Variants in CTNND2 observed in about 807,000 individuals in gnomAD.
The protein encoded by CTNND2 is catenin delta-2.
CTNND2 carries 22 observed loss-of-function variants against 144.4 expected under a neutral mutation model. The ratio of observed to expected loss-of-function variants is 0.15; its 90% CI spans 0.11 to 0.22. CTNND2 has a LOEUF of 0.22. Among genes scored for constraint, CTNND2 ranks in the 10% least tolerant of loss-of-function variants. CTNND2 has a pLI of 1.00. For synonymous variants in CTNND2, 751 were observed against 695.6 expected (o/e 1.08, Z -1.25); for missense variants, 1,353 against 1,618.8 (o/e 0.84, Z 2.82).
At chr5:11,862,088 G>T (rs892137229) in intron 1 of CTNND2, among the ~76,000 whole-genome samples, 4 of 152,114 alleles carry the variant, frequency 2.6e-5, no homozygotes, top group African/African-American at 9.7e-5. Context: ...CTCAAATTGG[G>T]TGAAATGGAA....
At chr5:11,514,827 T>A (rs1581385581) in intron 3 of CTNND2, among the ~76,000 whole-genome samples, 1 of 152,178 alleles carries the variant, frequency 6.6e-6, no homozygotes, top group Non-Finnish European at 1.5e-5. Flanking sequence ...TCTTGAGACT[T>A]AGTCCCGCTC....
At chr5:11,579,326 T>G (rs1051155215) in intron 2 of CTNND2, among the ~76,000 whole-genome samples, 4 of 152,212 alleles carry the variant, frequency 2.6e-5, no homozygotes, top group Admixed American at 2.0e-4. Context: ...AAATGAACTG[T>G]GACCAACAGA....
chr5:11,711,154 C>T (rs542274347), intron 2 of CTNND2, among the ~76,000 whole-genome samples: 49 of 152,158 alleles, frequency 3.2e-4, no homozygotes, highest in Middle Eastern at 3.4e-3. Flanking sequence ...CTCCTGGGTT[C>T]AAGTGATTCT....
At chr5:10,999,816 C>G (rs1739737437) in intron 18 of CTNND2, among the ~76,000 whole-genome samples, 1 of 152,204 alleles carries the variant, frequency 6.6e-6, no homozygotes, top group South Asian at 2.1e-4. Context: ...TTATCTTACA[C>G]CCTTTAGCTG....
At chr5:11,288,508 T>G (rs1747980229) in intron 9 of CTNND2, among the ~76,000 whole-genome samples, 1 of 152,180 alleles carries the variant, frequency 6.6e-6, no homozygotes, top group Admixed American at 6.6e-5. Context: ...TATCAGACAC[T>G]AACTGTATCA....
intron 16 of CTNND2, among the ~76,000 whole-genome samples, chr5:11,063,899 G>A (rs565085134): frequency 6.6e-6 from 1 of 152,138 alleles, no homozygotes; most frequent in African/African-American, 2.4e-5. Flanking sequence ...TTCTGTTAAT[G>A]ATTTGCAATC....
chr5:11,745,077 C>T (rs1788235953), intron 1 of CTNND2, among the ~76,000 whole-genome samples: 1 of 152,118 alleles, frequency 6.6e-6, no homozygotes, highest in Non-Finnish European at 1.5e-5. Context: ...TGTTAATGAT[C>T]TTGAACTTGA....
intron 12 of CTNND2, among the ~76,000 whole-genome samples, chr5:11,125,816 GA>G (rs1471739617): frequency 5.3e-5 from 8 of 152,208 alleles, no homozygotes; most frequent in African/African-American, 9.7e-5. Context: ...TTCCCTTAAG[GA>G]AATCACTGTG....
chr5:11,311,360 C>T (rs556656957), intron 9 of CTNND2, among the ~76,000 whole-genome samples: 2 of 129,934 alleles, frequency 1.5e-5, no homozygotes, highest in South Asian at 5.2e-4. Flanking sequence ...CCTCAACCCA[C>T]ATGTACATAT....
Position 11,082,650 on chromosome 5 carries a change from T to C in CTNND2, c.2788+46A>G, listed in dbSNP as rs2277053. ...CAACCACACCTACCCCTAGAGAAAA[T>C]ATTTTCACTTAACACTTGAGACACT... is the stretch of plus-strand genomic sequence containing the variant. On this transcript the variant is annotated intron_variant, in intron 16 of 21. Transcript: ENST00000304623. 1,162,102 of 1,597,928 alleles carry C rather than the reference T, an allele frequency of 0.73. 426,994 individuals are homozygous for C. Among genetic ancestry groups the C allele is most frequent in the African/African-American group, 0.94 (70,133 of 74,702 alleles).
chr5:11,240,989 AC>A (rs894510114), intron 9 of CTNND2, among the ~76,000 whole-genome samples: 2 of 141,598 alleles, frequency 1.4e-5, no homozygotes, highest in Non-Finnish European at 3.1e-5. Flanking sequence ...ATGCACACAC[AC>A]CCAACACACA....
rs1226206338 is a variant in CTNND2 at position 11,450,891 on chromosome 5, T to G, written c.288-38822A>C. ...CCAGCTTGGGCAACAACAGCGAAAC[T>G]CCATCTCAAAAAAAAAAAAAAAAAA... On this transcript the variant is annotated intron_variant, in intron 3 of 21. Transcript: ENST00000304623. Among the ~76,000 whole-genome samples, 13 of 69,948 alleles carry G rather than the reference T, an allele frequency of 1.9e-4. No individual in the cohort carries two copies. The East Asian group carries it at 5.2e-3, about 28-fold the overall frequency. The allele number at this position is 69,948 out of a possible 152,430, so 45.9% of individuals were successfully genotyped here. A position where few individuals can be genotyped will look rare whatever the true frequency, so the allele number is the denominator to read the frequency against.
At chr5:11,398,990 A>C (rs1448378830) in intron 5 of CTNND2, among the ~76,000 whole-genome samples, 1 of 152,240 alleles carries the variant, frequency 6.6e-6, no homozygotes, top group Non-Finnish European at 1.5e-5. Flanking sequence ...GACTAACCAT[A>C]AAGCGGAGGA....
chr5:11,730,164 T>C (rs2126737854), intron 2 of CTNND2, among the ~76,000 whole-genome samples: 1 of 152,330 alleles, frequency 6.6e-6, no homozygotes, highest in Middle Eastern at 3.4e-3. Flanking sequence ...GTATTCATAT[T>C]GTGAAACTCA....
chr5:11,104,110 A>G (rs560506410), intron 14 of CTNND2, among the ~76,000 whole-genome samples: 1 of 152,356 alleles, frequency 6.6e-6, no homozygotes, highest in South Asian at 2.1e-4. Flanking sequence ...GGCTGGCTTC[A>G]CCAGCGGAAT....
At chr5:11,149,890 C>T (rs1172274636) in intron 12 of CTNND2, among the ~76,000 whole-genome samples, 2 of 152,168 alleles carry the variant, frequency 1.3e-5, no homozygotes, top group African/African-American at 2.4e-5. Flanking sequence ...TAGCTTTTCC[C>T]TGCTTTAGAA....
At chr5:11,701,792 G>T (rs1192891689) in intron 2 of CTNND2, among the ~76,000 whole-genome samples, 1 of 152,100 alleles carries the variant, frequency 6.6e-6, no homozygotes, top group Non-Finnish European at 1.5e-5. Context: ...TTTTATATTA[G>T]CTAGGACACA....
At chr5:11,193,344 T>C (rs962543262) in intron 11 of CTNND2, among the ~76,000 whole-genome samples, 1 of 152,210 alleles carries the variant, frequency 6.6e-6, no homozygotes, top group African/African-American at 2.4e-5. Context: ...AATTTCTCCA[T>C]GGGAATTTGA....
intron 2 of CTNND2, among the ~76,000 whole-genome samples, chr5:11,607,268 T>C (rs1326064891): frequency 6.6e-6 from 1 of 152,182 alleles, no homozygotes; most frequent in African/African-American, 2.4e-5. Context: ...TGGTTTCTGG[T>C]AGCTTTTAAT....
Sources: allele counts gnomAD v4.1 joint callset (sites outside exome capture counted in the v4.1 genomes callset), GRCh38; gene constraint gnomAD v4.1.1; transcripts MANE v1.5; gene names NCBI Gene and HGNC (gene_info 2026-07-23, HGNC 2026-07-21).